Variants in SLC30A5 observed in about 807,000 individuals in gnomAD.
SLC30A5 encodes the protein proton-coupled zinc antiporter SLC30A5.
A neutral mutation model predicts 79.6 loss-of-function variants in SLC30A5; 33 were observed. The ratio of observed to expected loss-of-function variants is 0.41; its 90% CI spans 0.31 to 0.55. SLC30A5 has a LOEUF of 0.55. Among genes scored for constraint, SLC30A5 ranks in the 20% least tolerant of loss-of-function variants. The pLI is 0.20. For synonymous variants in SLC30A5, 299 were observed against 319.7 expected (o/e 0.94, Z 0.69); for missense variants, 788 against 928.1 (o/e 0.85, Z 1.96).
intron 12 of SLC30A5, among the ~76,000 whole-genome samples, 173 bp downstream of exon 12, chr5:69,118,801 C>CTTTT (rs35781175): frequency 3.1e-5 from 3 of 97,318 alleles, no homozygotes; most frequent in Non-Finnish European, 4.0e-5. Flanking sequence ...TAGAAATTCT[C>CTTTT]TTTTTTTTTT....
At position 69,129,680 on chromosome 5, in the gene SLC30A5, T is replaced by C; in HGVS notation, c.*63T>C. ...AGATTAAATGACTCAGTATTTGTAA[T>C]ATTGCCAGAAGGATAAAAATTACAC... On this transcript the variant is annotated 3_prime_UTR_variant, in exon 16 of 16. Coordinates refer to ENST00000396591, the MANE Select transcript of SLC30A5 (RefSeq NM_022902.5). The C allele has an allele frequency of 7.0e-7, 1 of 1,434,922 alleles. No individual in the cohort carries two copies. Among genetic ancestry groups the C allele is most frequent in the East Asian group, 2.3e-5 (1 of 42,790 alleles). 88.9% of individuals were successfully genotyped at this position (1,434,922 alleles called of 1,614,324 possible).
chr5:69,129,530 C>T lies in SLC30A5; in HGVS notation c.2211C>T (p.Gly737=), dbSNP rs561865401. Reference sequence around the variant, plus strand: ...AGGCATACTTTCAACATATGTCTGGCCTAAGTACTGGATTTCATGATGTTC... The same window carrying T: ...AGGCATACTTTCAACATATGTCTGGTCTAAGTACTGGATTTCATGATGTTC... ...EKEAYFQHMS[G]LSTGFHDVLA... is the part of the protein sequence containing the mutation. The change falls in exon 16 of 16, where the codon GGC becomes GGT. Residue 737 remains glycine, a synonymous_variant. Transcript: ENST00000396591. The T allele has an allele frequency of 2.5e-6, 4 of 1,613,442 alleles. No individual in the cohort carries two copies. The highest frequency in any genetic ancestry group is 4.5e-5 in the East Asian group (2 of 44,780).
In SLC30A5 at chr5:69,108,399, G is replaced by C. The variant is rs192601515; in HGVS notation, c.410G>C (p.Ser137Thr). ...HSDIVVISLL[S>T]VLFTSSGGGP... ...GATATTGTTGTCATTTCACTACTCA[G>C]TGTTTTGTTCACCAGTTCTGGAGGA... Residue 137 changes from serine (S) to threonine (T), a missense_variant, in exon 5 of 16, where the codon AGT (serine) becomes ACT (threonine). Ser to Thr is a moderately conservative substitution (Grantham distance 58). Coordinates refer to ENST00000396591, the MANE Select transcript of SLC30A5 (RefSeq NM_022902.5). The C allele has an allele frequency of 8.2e-5, 133 of 1,613,930 alleles. 1 individual carries two copies. The Middle Eastern group carries it at 9.9e-4, about 12-fold the overall frequency.
At chr5:69,113,983 A>C (rs1412364601) in intron 6 of SLC30A5, among the ~76,000 whole-genome samples, 1 of 152,204 alleles carries the variant, frequency 6.6e-6, no homozygotes, top group Non-Finnish European at 1.5e-5. Flanking sequence ...TTATGTGGTC[A>C]GTGACTTAGA....
chr5:69,095,495 C>T (rs565124388), intron 1 of SLC30A5, among the ~76,000 whole-genome samples: 4 of 152,192 alleles, frequency 2.6e-5, no homozygotes, highest in African/African-American at 4.8e-5. Context: ...CCACCGCGCC[C>T]GCCCAACATA....
intron 1 of SLC30A5, among the ~76,000 whole-genome samples, chr5:69,095,478 G>A (rs949645442): frequency 6.6e-6 from 1 of 152,104 alleles, no homozygotes; most frequent in Non-Finnish European, 1.5e-5. Context: ...GGGATTACAG[G>A]CATGAGCCAC....
At chr5:69,125,255 G>A (rs1203536202) in intron 14 of SLC30A5, among the ~76,000 whole-genome samples, 1 of 151,954 alleles carries the variant, frequency 6.6e-6, no homozygotes, top group African/African-American at 2.4e-5. Flanking sequence ...GGTCGGGCAC[G>A]GTGGCTCACG....
intron 13 of SLC30A5, 120 bp downstream of exon 13, chr5:69,122,015 C>T (rs1746549440): frequency 2.8e-6 from 2 of 720,732 alleles, no homozygotes; most frequent in South Asian, 1.9e-5. Context: ...CAATCTGTGA[C>T]TAAAAGAAAG....
intron 5 of SLC30A5, among the ~76,000 whole-genome samples, chr5:69,111,306 T>C (rs914927298): frequency 7.3e-6 from 1 of 137,556 alleles, no homozygotes. Context: ...TTTTTCTTTT[T>C]CTTTTTTTTT....
At position 69,115,908 on chromosome 5, in the gene SLC30A5, C is replaced by A; in HGVS notation, c.784-18C>A. On this transcript the variant is annotated intron_variant, in intron 8 of 15. Coordinates refer to ENST00000396591, the MANE Select transcript of SLC30A5 (RefSeq NM_022902.5). ...TTATACATGTATAGTCTTGACAATT[C>A]TTTTTTTTAATTTCTAGAGTAAAGT... 1 of 1,579,036 alleles carries A rather than the reference C, an allele frequency of 6.3e-7. No homozygotes were observed. Among genetic ancestry groups the A allele is most frequent in the Non-Finnish European group, 8.6e-7 (1 of 1,161,672 alleles).
At chr5:69,099,013 A>G (rs1203686862) in intron 1 of SLC30A5, among the ~76,000 whole-genome samples, 3 of 152,112 alleles carry the variant, frequency 2.0e-5, no homozygotes, top group Non-Finnish European at 4.4e-5. Context: ...ATAAAGTAAA[A>G]CTCTTGCAAC....
chr5:69,113,064 T>C, intron 5 of SLC30A5, 76 bp from the exon 6 acceptor site: 1 of 1,148,518 alleles, frequency 8.7e-7, no homozygotes, highest in Non-Finnish European at 1.3e-6. Context: ...TGTTTTTCTT[T>C]AGTATTTATG....
intron 1 of SLC30A5, among the ~76,000 whole-genome samples, chr5:69,097,892 A>G (rs1424409410): frequency 6.6e-6 from 1 of 152,092 alleles, no homozygotes; most frequent in Non-Finnish European, 1.5e-5. Context: ...CTAAAGATGA[A>G]AAACCAGGCT....
chr5:69,106,884 G>A (rs1171871694), intron 4 of SLC30A5, among the ~76,000 whole-genome samples: 1 of 146,472 alleles, frequency 6.8e-6, no homozygotes, highest in East Asian at 2.0e-4. Context: ...TTTTTTTTTG[G>A]AGACAGGATC....
chr5:69,113,283 TG>T, intron 6 of SLC30A5, 56 bp downstream of exon 6: 1 of 1,285,438 alleles, frequency 7.8e-7, no homozygotes, highest in Non-Finnish European at 1.1e-6. Flanking sequence ...ACTAGAAGCC[TG>T]GAACAATGGA....
chr5:69,100,603 T>C (rs911414043), intron 1 of SLC30A5, among the ~76,000 whole-genome samples: 1 of 95,246 alleles, frequency 1.0e-5, no homozygotes. Flanking sequence ...AGACCCCGTC[T>C]CTATGAGTTA....
chr5:69,111,677 T>G (rs939517538), intron 5 of SLC30A5, among the ~76,000 whole-genome samples: 1 of 152,242 alleles, frequency 6.6e-6, no homozygotes, highest in African/African-American at 2.4e-5. Flanking sequence ...AAGATTAAGT[T>G]ATGTTCTCTG....
intron 12 of SLC30A5, among the ~76,000 whole-genome samples, chr5:69,120,080 A>C (rs983561096): frequency 1.3e-5 from 2 of 151,952 alleles, no homozygotes; most frequent in African/African-American, 2.4e-5. Flanking sequence ...ATAGTGAAAA[A>C]ATGGAAACAA....
chr5:69,110,442 G>A (rs1746201989), intron 5 of SLC30A5, among the ~76,000 whole-genome samples: 1 of 152,180 alleles, frequency 6.6e-6, no homozygotes, highest in African/African-American at 2.4e-5. Flanking sequence ...AAGTAGAGCA[G>A]AGTAAAAGAA....
Sources: gnomAD v4.1 joint callset for allele counts (sites outside exome capture counted in the v4.1 genomes callset) on GRCh38, gnomAD v4.1.1 for gene constraint, MANE v1.5 for transcripts, NCBI Gene and HGNC (gene_info 2026-07-23, HGNC 2026-07-21) for gene names.